Variants in ERICH1 observed in about 807,000 individuals in gnomAD.
ERICH1 encodes glutamate rich 1.
In ERICH1, 56 loss-of-function variants were observed where a neutral mutation model predicts 39.6. The observed-to-expected ratio is 1.41, with a 90% CI of 1.14 to 1.77. The LOEUF (loss-of-function observed/expected upper bound fraction) is 1.77. Among genes scored for constraint, ERICH1 ranks in the 40% most tolerant of loss-of-function variants. The probability of loss-of-function intolerance (pLI) is 0.00; values close to 1 mark genes in which losing one functional copy is unlikely to be tolerated. For synonymous variants in ERICH1, 313 were observed against 223.6 expected, an observed-to-expected ratio of 1.40 and a Z score of -3.57; for missense variants, 826 against 575.4, an observed-to-expected ratio of 1.44 and a Z score of -4.45.
intron 3 of ERICH1, chr8:616,709 G>C (rs1796920648): frequency 1.2e-5 from 5 of 431,266 alleles, no homozygotes; most frequent in Non-Finnish European, 2.3e-5. Context: ...CAGGGAGAGA[G>C]ATAGAGACAC....
intron 3 of ERICH1, among the ~76,000 whole-genome samples, chr8:635,630 G>A (rs1383084236): frequency 6.6e-6 from 1 of 152,194 alleles, no homozygotes; most frequent in African/African-American, 2.4e-5. Flanking sequence ...ATGTGTCCAG[G>A]GACTCCCAGC....
intron 3 of ERICH1, chr8:626,438 G>A (rs1199682103): frequency 3.9e-5 from 6 of 152,282 alleles, no homozygotes; most frequent in Admixed American, 1.3e-4. Context: ...TTGTGAGTGG[G>A]TTCTTAGGTG....
chr8:637,880 G>A (rs1798572266), intron 3 of ERICH1, among the ~76,000 whole-genome samples: 1 of 152,244 alleles, frequency 6.6e-6, no homozygotes, highest in Non-Finnish European at 1.5e-5. Flanking sequence ...CTCTCAACAT[G>A]TAGCCTGCTC....
chr8:639,177 T>A (rs1210142925), intron 3 of ERICH1, among the ~76,000 whole-genome samples: 1 of 152,130 alleles, frequency 6.6e-6, no homozygotes, highest in African/African-American at 2.4e-5. Context: ...TTCTGCTTTT[T>A]CTACTCAGAT....
intron 3 of ERICH1, among the ~76,000 whole-genome samples, chr8:617,256 G>A (rs1021535070): frequency 5.9e-5 from 9 of 152,142 alleles, no homozygotes; most frequent in Non-Finnish European, 1.0e-4. Flanking sequence ...CGATTGCTGG[G>A]AGCGTGTTCT....
At chr8:635,069 G>A (rs1414922873) in intron 3 of ERICH1, among the ~76,000 whole-genome samples, 1 of 151,756 alleles carries the variant, frequency 6.6e-6, no homozygotes, top group Non-Finnish European at 1.5e-5. Context: ...ACTCAGGGAC[G>A]TGGACTCAAG....
At chr8:694,614 T>TGCGACA (rs1434648743) in intron 2 of ERICH1, among the ~76,000 whole-genome samples, 2 of 152,328 alleles carry the variant, frequency 1.3e-5, no homozygotes, top group African/African-American at 4.8e-5. Context: ...TGGCACCTCC[T>TGCGACA]GCGACAGTCA....
At chr8:621,011 G>C (rs1490098356) in intron 3 of ERICH1, among the ~76,000 whole-genome samples, 3 of 152,132 alleles carry the variant, frequency 2.0e-5, no homozygotes, top group African/African-American at 4.8e-5. Context: ...TGACAATATG[G>C]TGCATACACC....
intron 2 of ERICH1, among the ~76,000 whole-genome samples, chr8:700,356 CG>C (rs1811732305): frequency 3.9e-5 from 4 of 103,214 alleles, no homozygotes; most frequent in African/African-American, 1.2e-4. Context: ...TCCGCACACG[CG>C]CACAGGCCCG....
chr8:701,627 G>A (rs1233190692), intron 2 of ERICH1, among the ~76,000 whole-genome samples: 1 of 152,200 alleles, frequency 6.6e-6, no homozygotes, highest in East Asian at 1.9e-4. Context: ...AACTGCAAGA[G>A]CAAACACTGT....
At chr8:635,704 G>T (rs1205441092) in intron 3 of ERICH1, among the ~76,000 whole-genome samples, 3 of 152,216 alleles carry the variant, frequency 2.0e-5, no homozygotes, top group African/African-American at 7.2e-5. Flanking sequence ...GTCCCTGGAG[G>T]CTCTAGCAAC....
intron 3 of ERICH1, among the ~76,000 whole-genome samples, chr8:640,266 A>G (rs1047270161): frequency 6.6e-6 from 1 of 152,212 alleles, no homozygotes; most frequent in South Asian, 2.1e-4. Context: ...AATTCTTTCT[A>G]TTTTGGCTGA....
intron 2 of ERICH1, among the ~76,000 whole-genome samples, chr8:698,038 C>T (rs1385243694): frequency 4.6e-5 from 7 of 152,228 alleles, no homozygotes; most frequent in Middle Eastern, 3.4e-3. Flanking sequence ...ATGGAGCCCT[C>T]GGACCCGGGG....
intron 4 of ERICH1, among the ~76,000 whole-genome samples, chr8:670,859 G>A (rs1417417405): frequency 6.3e-4 from 90 of 141,926 alleles, no homozygotes; most frequent in Non-Finnish European, 4.1e-4. Flanking sequence ...CCCCTGCTTC[G>A]ACCTCTGAGC....
intron 3 of ERICH1, among the ~76,000 whole-genome samples, chr8:619,214 G>C (rs536192175): frequency 2.3e-4 from 35 of 152,244 alleles, no homozygotes; most frequent in Admixed American, 5.9e-4. Context: ...AATGTTGAAA[G>C]CCAAATAAAG....
At chr8:666,232 C>T (rs1475041374) in intron 5 of ERICH1, 2 of 152,128 alleles carry the variant, frequency 1.3e-5, no homozygotes, top group Admixed American at 1.3e-4. Flanking sequence ...ACTGCCAAAA[C>T]TCTTTTGGTG....
chr8:637,025 G>A (rs553436846), intron 3 of ERICH1, among the ~76,000 whole-genome samples: 20 of 152,366 alleles, frequency 1.3e-4, no homozygotes, highest in South Asian at 2.1e-4. Flanking sequence ...CACCGAAGGC[G>A]TCCAAACCAG....
At chr8:711,435 C>G (rs769711638) in intron 2 of ERICH1, among the ~76,000 whole-genome samples, 1 of 151,962 alleles carries the variant, frequency 6.6e-6, no homozygotes, top group Non-Finnish European at 1.5e-5. Context: ...CCGAGGGCAC[C>G]TAGATTGCCT....
chr8:726,944 A>C (rs2132475777), intron 1 of ERICH1, among the ~76,000 whole-genome samples: 1 of 150,514 alleles, frequency 6.6e-6, no homozygotes, highest in South Asian at 2.1e-4. Flanking sequence ...ACATACATAC[A>C]CCACACAGGC....
Sources: allele counts gnomAD v4.1 joint callset (sites outside exome capture counted in the v4.1 genomes callset), GRCh38; gene constraint gnomAD v4.1.1; transcripts MANE v1.5; gene names NCBI Gene and HGNC (gene_info 2026-07-23, HGNC 2026-07-21).